DMD: variants seen among roughly 807,000 people sequenced by gnomAD.
The protein encoded by DMD is mutant dystrophin.
Under a neutral mutation model 330.1 loss-of-function variants are expected in DMD, and 63 were observed. The observed-to-expected ratio is 0.19, with a 90% CI of 0.16 to 0.24. The LOEUF (loss-of-function observed/expected upper bound fraction) is 0.24. DMD is among the 10% of genes least tolerant of loss of function. The probability of loss-of-function intolerance (pLI) is 1.00; values close to 1 mark genes in which losing one functional copy is unlikely to be tolerated. For missense variants in DMD, 3,344 were observed against 2,684.1 expected (o/e 1.25, Z -5.43); for synonymous variants, 1,223 against 959.8 (o/e 1.27, Z -5.07).
At chrX:32,109,596 C>A (rs1356055240) in intron 44 of DMD, among the ~76,000 whole-genome samples, 1 of 65,791 alleles carries the variant, frequency 1.5e-5, no homozygotes, top group Non-Finnish European at 2.7e-5. Context: ...AGACATTGTA[C>A]AGATACAGAA....
chrX:32,143,405 T>C (rs2096762796), intron 44 of DMD, among the ~76,000 whole-genome samples: 1 of 111,861 alleles, frequency 8.9e-6, no homozygotes, highest in Admixed American at 9.6e-5. Flanking sequence ...GCAGGCAGTA[T>C]TGAGCAAGAG....
intron 1 of DMD, among the ~76,000 whole-genome samples, chrX:33,336,593 T>C (rs1209367933): frequency 2.7e-5 from 3 of 111,482 alleles, no homozygotes; most frequent in South Asian, 3.7e-4. Flanking sequence ...TTTTAGAATA[T>C]AAATGCCTTA....
At chrX:32,137,772 C>T (rs2096734061) in intron 44 of DMD, among the ~76,000 whole-genome samples, 1 of 110,766 alleles carries the variant, frequency 9.0e-6, no homozygotes, top group South Asian at 3.9e-4. Context: ...ACCAGGCCTT[C>T]ATTCTGCAGA....
chrX:32,865,269 A>T (rs761056495), intron 2 of DMD, among the ~76,000 whole-genome samples: 13 of 111,537 alleles, frequency 1.2e-4, no homozygotes, highest in Non-Finnish European at 2.4e-4. Flanking sequence ...GGAAGGAAAT[A>T]TACATTTAAG....
At chrX:32,831,517 G>A (rs2079143373) in intron 4 of DMD, among the ~76,000 whole-genome samples, 1 of 110,581 alleles carries the variant, frequency 9.0e-6, no homozygotes, top group Admixed American at 9.7e-5. Context: ...AGAATGAGGG[G>A]CATGTAACTT....
chrX:32,580,667 G>T (rs1372907190), intron 13 of DMD, among the ~76,000 whole-genome samples: 1 of 111,749 alleles, frequency 8.9e-6, no homozygotes, highest in African/African-American at 3.3e-5. Context: ...GAGCATGATA[G>T]AATTTTAATA....
At chrX:33,040,904 C>A (rs1393727284) in intron 1 of DMD, among the ~76,000 whole-genome samples, 1 of 111,617 alleles carries the variant, frequency 9.0e-6, no homozygotes, top group Non-Finnish European at 1.9e-5. Flanking sequence ...AACTAACAGA[C>A]AAGGACTTTA....
chrX:31,522,361 C>CTATATATATATA (rs1454794019), intron 55 of DMD, among the ~76,000 whole-genome samples: 8 of 50,226 alleles, frequency 1.6e-4, no homozygotes, highest in East Asian at 6.7e-4. Context: ...CTCTCTCTCT[C>CTATATATATATA]TCTATATATA....
intron 60 of DMD, among the ~76,000 whole-genome samples, chrX:31,371,825 AG>A (rs2059590169): frequency 8.9e-6 from 1 of 112,346 alleles, no homozygotes; most frequent in African/African-American, 3.2e-5. Flanking sequence ...GTTGAGCCAA[AG>A]TTGTAAACAT....
intron 44 of DMD, among the ~76,000 whole-genome samples, chrX:32,088,530 T>G (rs2096455244): frequency 9.1e-6 from 1 of 110,255 alleles, no homozygotes; most frequent in African/African-American, 3.3e-5. Flanking sequence ...CAAATATTTA[T>G]TTTTGCCATC....
At chrX:33,183,028 T>A (rs893527026) in intron 1 of DMD, among the ~76,000 whole-genome samples, 3 of 112,128 alleles carry the variant, frequency 2.7e-5, no homozygotes, top group East Asian at 5.6e-4. Context: ...AATATGGAGA[T>A]GATTTTTTAT....
intron 1 of DMD, among the ~76,000 whole-genome samples, chrX:33,266,863 T>C (rs1415924431): frequency 9.0e-6 from 1 of 110,679 alleles, no homozygotes; most frequent in African/African-American, 3.3e-5. Flanking sequence ...ATAAGAACCA[T>C]CTATGACAAA....
At chrX:31,749,735 G>C (rs1218572397) in intron 51 of DMD, among the ~76,000 whole-genome samples, 1 of 105,909 alleles carries the variant, frequency 9.4e-6, no homozygotes, top group Non-Finnish European at 1.9e-5. Flanking sequence ...TTCCACAATG[G>C]TTGAACTAGT....
chrX:33,214,107 C>T (rs1467189993), upstream of DMD, among the ~76,000 whole-genome samples: 4 of 105,045 alleles, frequency 3.8e-5, no homozygotes, highest in Non-Finnish European at 5.8e-5. Context: ...TCATCAATAG[C>T]TTATTTCCTT....
At chrX:32,529,320 C>G (rs542802628) in intron 17 of DMD, among the ~76,000 whole-genome samples, 1 of 103,993 alleles carries the variant, frequency 9.6e-6, no homozygotes, top group East Asian at 3.1e-4. Context: ...GGGCACATGT[C>G]GTCAGGACTT....
At chrX:31,478,863 G>C in intron 58 of DMD, 120 bp downstream of exon 58, 1 of 740,526 alleles carries the variant, frequency 1.4e-6, no homozygotes, top group Non-Finnish European at 2.0e-6. Context: ...AATTTGAATT[G>C]ATTCTATTTA....
Position 33,025,829 on chromosome X carries a change from G to A in DMD, c.32-5629C>T, listed in dbSNP as rs762422602. On this transcript the variant is annotated intron_variant, in intron 1 of 78. Coordinates refer to ENST00000357033, the MANE Select transcript of DMD (RefSeq NM_004006.3). The stretch of plus-strand genomic sequence containing the variant: ...CTGTCTCAGCCTCCCAAAGTGCTAG[G>A]ACTACAGGCATGAGCCACCACATTC... 4.5e-5 allele frequency among the ~76,000 whole-genome samples: 5 copies of A among 111,831 alleles called. No individual in the cohort carries two copies. The East Asian group carries it at 1.1e-3, about 25-fold the overall frequency.
chrX:33,254,412 G>C (rs1304682685), intron 1 of DMD, among the ~76,000 whole-genome samples: 1 of 110,050 alleles, frequency 9.1e-6, no homozygotes, highest in Non-Finnish European at 1.9e-5. Flanking sequence ...CTAAAATTTG[G>C]GGTCTGGGGC....
At position 32,135,287 on chromosome X, in the gene DMD, A is replaced by G. The variant is rs73456156; in HGVS notation, c.6438+81629T>C. Among the ~76,000 whole-genome samples the G allele has an allele frequency of 3.1e-3, 348 of 112,910 alleles. 1 individual carries two copies. The highest frequency in any genetic ancestry group is 0.01 in the African/African-American group (326 of 31,135). ...TTCTCTGAGACTAAAAGTGATTTAC[A>G]TGCAAATATATGGAAATGATTCCCT... On this transcript the variant is annotated intron_variant, in intron 44 of 78. Coordinates refer to ENST00000357033, the MANE Select transcript of DMD (RefSeq NM_004006.3).
Sources: allele counts gnomAD v4.1 joint callset (sites outside exome capture counted in the v4.1 genomes callset), GRCh38; gene constraint gnomAD v4.1.1; transcripts MANE v1.5; gene names NCBI Gene and HGNC (gene_info 2026-07-23, HGNC 2026-07-21).